Variants in HPSE2 observed in about 807,000 individuals in gnomAD.
HPSE2 encodes inactive heparanase-2.
A neutral mutation model predicts 60.5 loss-of-function variants in HPSE2; 38 were observed. That is an observed-to-expected ratio of 0.63 (90% CI 0.48 to 0.82). The LOEUF is 0.82. HPSE2 is among the 40% of genes least tolerant of loss of function. The probability of loss-of-function intolerance (pLI) is 0.00; values close to 1 mark genes in which losing one functional copy is unlikely to be tolerated. For missense variants in HPSE2, 713 were observed against 740.4 expected, an observed-to-expected ratio of 0.96 and a Z score of 0.43; for synonymous variants, 295 against 293.2, an observed-to-expected ratio of 1.01 and a Z score of -0.06.
chr10:98,583,598 TC>T (rs1311299801), intron 9 of HPSE2, among the ~76,000 whole-genome samples: 1 of 152,190 alleles, frequency 6.6e-6, no homozygotes, highest in East Asian at 1.9e-4. Flanking sequence ...CTTCCTCTTT[TC>T]CCCCAATAAA....
At chr10:99,192,023 C>T (rs1476670104) in intron 2 of HPSE2, among the ~76,000 whole-genome samples, 1 of 151,924 alleles carries the variant, frequency 6.6e-6, no homozygotes, top group Non-Finnish European at 1.5e-5. Flanking sequence ...AATTAGTAAG[C>T]TTGAAGATGG....
At chr10:99,202,823 C>G (rs1336640986) in intron 2 of HPSE2, among the ~76,000 whole-genome samples, 1 of 152,066 alleles carries the variant, frequency 6.6e-6, no homozygotes, top group Admixed American at 6.5e-5. Context: ...ATTATAGCAC[C>G]TAGGCATAGC....
At chr10:98,645,490 A>T (rs1946742975) in intron 6 of HPSE2, among the ~76,000 whole-genome samples, 1 of 152,200 alleles carries the variant, frequency 6.6e-6, no homozygotes, top group African/African-American at 2.4e-5. Context: ...CTCTAGCCTG[A>T]TGATCACAGC....
At chr10:99,022,387 G>C (rs1466076337) in intron 3 of HPSE2, among the ~76,000 whole-genome samples, 1 of 152,118 alleles carries the variant, frequency 6.6e-6, no homozygotes, top group Non-Finnish European at 1.5e-5. Flanking sequence ...ACAGCACTCT[G>C]TGTCTCCAAA....
chr10:98,512,866 G>C (rs1320186296), intron 9 of HPSE2, among the ~76,000 whole-genome samples: 4 of 116,474 alleles, frequency 3.4e-5, no homozygotes, highest in Admixed American at 9.5e-5. Context: ...TAACTCAACT[G>C]AGATATTAGC....
At chr10:99,145,090 A>T (rs1285212726) in intron 2 of HPSE2, among the ~76,000 whole-genome samples, 1 of 152,198 alleles carries the variant, frequency 6.6e-6, no homozygotes, top group Non-Finnish European at 1.5e-5. Context: ...ACTGCTTTTT[A>T]TACTTCGGAA....
In HPSE2 at chr10:98,482,717, A is replaced by T. The variant is rs755328027; in HGVS notation, c.1532T>A (p.Ile511Asn). ...IINLHRSRKKIKLAGTLRDKL... is the reference protein window; with the variant it reads ...IINLHRSRKKNKLAGTLRDKL... ...GTCTCTGAGAGTCCCAGCCAGCTTGATTTTCTTTCTTGATCGATGCAAGTT... is the reference window on the plus strand; with the variant it reads ...GTCTCTGAGAGTCCCAGCCAGCTTGTTTTTCTTTCTTGATCGATGCAAGTT... Residue 511 changes from isoleucine to asparagine, a missense_variant, in exon 11 of 12, where the codon ATC (isoleucine) becomes AAC (asparagine). Transcript: ENST00000370552. The T allele has an allele frequency of 3.1e-6, 5 of 1,614,046 alleles. No homozygotes were observed. Among genetic ancestry groups the T allele is most frequent in the Non-Finnish European group, 4.2e-6 (5 of 1,180,040 alleles).
chr10:99,128,418 G>A (rs1207953732), intron 3 of HPSE2, among the ~76,000 whole-genome samples: 1 of 151,956 alleles, frequency 6.6e-6, no homozygotes. Context: ...GCAAAGACAT[G>A]GAATCAACCA....
intron 6 of HPSE2, among the ~76,000 whole-genome samples, chr10:98,649,783 C>T (rs1461731496): frequency 6.6e-6 from 1 of 152,120 alleles, no homozygotes; most frequent in Non-Finnish European, 1.5e-5. Context: ...GCTCCATGGT[C>T]AAATAAGTTT....
chr10:99,206,434 C>T (rs79634155), intron 2 of HPSE2, among the ~76,000 whole-genome samples: 3,152 of 151,740 alleles, frequency 0.021, 109 homozygotes, highest in East Asian at 0.15. Flanking sequence ...AACCCAATGT[C>T]TACAAAAAAT....
rs66481971 is a variant in HPSE2, at chr10:98,781,306, T to TTTTTTTTTTTTTTTTG, written c.611-37251_611-37250insCAAAAAAAAAAAAAAA. ...CCACTTCTTTTTTTTTTTTTTTTTTTATTTTTAAATTTGGTATTGGAGTAA... is the reference window on the plus strand; with the variant it reads ...CCACTTCTTTTTTTTTTTTTTTTTTTTTTTTTTTTTTTTTTGATTTTTAAATTTGGTATTGGAGTAA... On this transcript the variant is annotated intron_variant, in intron 3 of 11. Coordinates refer to ENST00000370552, the MANE Select transcript of HPSE2 (RefSeq NM_021828.5). 5.8e-5 allele frequency among the ~76,000 whole-genome samples: 7 copies of TTTTTTTTTTTTTTTTG among 120,106 alleles called. 1 individual carries two copies. Among genetic ancestry groups the TTTTTTTTTTTTTTTTG allele is most frequent in the African/African-American group, 1.3e-4 (4 of 31,450 alleles). 78.8% of individuals were successfully genotyped at this position (120,106 alleles called of 152,430 possible).
chr10:98,943,866 C>T (rs1341394543), intron 3 of HPSE2, among the ~76,000 whole-genome samples: 1 of 152,164 alleles, frequency 6.6e-6, no homozygotes, highest in Non-Finnish European at 1.5e-5. Context: ...TGAATGAAAT[C>T]TCATGAGAGA....
At chr10:99,055,880 T>C (rs1398088138) in intron 3 of HPSE2, among the ~76,000 whole-genome samples, 1 of 151,960 alleles carries the variant, frequency 6.6e-6, no homozygotes, top group East Asian at 1.9e-4. Flanking sequence ...AAGAAAAATA[T>C]TTAAAATCAA....
chr10:98,857,161 CT>C (rs1952338145), intron 3 of HPSE2, among the ~76,000 whole-genome samples: 1 of 152,048 alleles, frequency 6.6e-6, no homozygotes, highest in African/African-American at 2.4e-5. Context: ...GGTCTTTGGG[CT>C]AATTCATCAT....
At chr10:99,283,506 C>CAAA in the HPSE2 span, among the ~76,000 whole-genome samples, 2 of 149,938 alleles carry the variant, frequency 1.3e-5, no homozygotes, top group Non-Finnish European at 3.0e-5. Flanking sequence ...CACAAAAAAT[C>CAAA]AAAAAAAAGA....
intron 3 of HPSE2, among the ~76,000 whole-genome samples, chr10:99,001,191 A>G (rs995981974): frequency 2.0e-5 from 3 of 152,142 alleles, no homozygotes; most frequent in African/African-American, 7.2e-5. Context: ...TATTGATATA[A>G]GATTTATATT....
intron 3 of HPSE2, among the ~76,000 whole-genome samples, chr10:98,953,503 G>A (rs565962075): frequency 5.3e-5 from 8 of 152,190 alleles, no homozygotes; most frequent in African/African-American, 1.9e-4. Flanking sequence ...TTCTACCCCC[G>A]ATCTAGGTCT....
At chr10:99,050,125 C>T (rs375850557) in intron 3 of HPSE2, among the ~76,000 whole-genome samples, 26 of 152,160 alleles carry the variant, frequency 1.7e-4, no homozygotes, top group African/African-American at 6.0e-4. Context: ...ATAGTGAGAC[C>T]TCATCTCTAC....
intron 3 of HPSE2, among the ~76,000 whole-genome samples, chr10:98,832,541 A>G (rs959597439): frequency 1.2e-4 from 19 of 152,220 alleles, no homozygotes; most frequent in African/African-American, 4.3e-4. Context: ...AATTGTCATG[A>G]GAAATGAGTT....
Sources: gnomAD v4.1 joint callset for allele counts (sites outside exome capture counted in the v4.1 genomes callset) on GRCh38, gnomAD v4.1.1 for gene constraint, MANE v1.5 for transcripts, NCBI Gene and HGNC (gene_info 2026-07-23, HGNC 2026-07-21) for gene names.